The following ARHGEF4 variants were observed in gnomAD, a reference collection of about 807,000 sequenced individuals.
ARHGEF4 encodes APC-stimulated guanine nucleotide exchange factor 1.
In ARHGEF4, 119 loss-of-function variants were observed where a neutral mutation model predicts 162.0. The observed-to-expected ratio is 0.73, with a 90% CI of 0.63 to 0.86. The LOEUF (loss-of-function observed/expected upper bound fraction) is 0.86. ARHGEF4 is among the 40% of genes least tolerant of loss of function. The pLI is 0.00. For synonymous variants in ARHGEF4, 1,014 were observed against 979.9 expected (o/e 1.03, Z -0.65); for missense variants, 2,488 against 2,456.0 (o/e 1.01, Z -0.28).
chr2:130,901,869 A>G (rs1465051078), intron 1 of ARHGEF4, among the ~76,000 whole-genome samples: 1 of 152,146 alleles, frequency 6.6e-6, no homozygotes, highest in Non-Finnish European at 1.5e-5. Flanking sequence ...ACACAAAGCC[A>G]ACGGTCTCCC....
At chr2:130,882,246 G>C (rs115508375) in intron 1 of ARHGEF4, among the ~76,000 whole-genome samples, 1 of 152,116 alleles carries the variant, frequency 6.6e-6, no homozygotes, top group Non-Finnish European at 1.5e-5. Context: ...GTTGCCCATG[G>C]CTAGGCTGGG....
At chr2:131,025,393 A>G (rs1689413754) in intron 4 of ARHGEF4, among the ~76,000 whole-genome samples, 1 of 152,234 alleles carries the variant, frequency 6.6e-6, no homozygotes, top group Admixed American at 6.5e-5. Flanking sequence ...GCAGGGTCAC[A>G]AATCCAAACC....
intron 1 of ARHGEF4, among the ~76,000 whole-genome samples, chr2:130,880,895 A>G (rs1679145612): frequency 6.6e-6 from 1 of 152,108 alleles, no homozygotes; most frequent in African/African-American, 2.4e-5. Flanking sequence ...ATAGACTCAT[A>G]ATATGAGCAG....
chr2:130,843,787 G>A (rs1558995293), intron 1 of ARHGEF4, among the ~76,000 whole-genome samples: 1 of 152,248 alleles, frequency 6.6e-6, no homozygotes, highest in Non-Finnish European at 1.5e-5. Context: ...AGGGTTTGGA[G>A]CACAGCGTAT....
At chr2:130,848,055 G>A (rs1183655662) in intron 1 of ARHGEF4, among the ~76,000 whole-genome samples, 3 of 152,238 alleles carry the variant, frequency 2.0e-5, no homozygotes, top group Non-Finnish European at 4.4e-5. Context: ...AGGAAGGAAA[G>A]TCATCTGAGG....
At chr2:131,035,084 C>T in intron 5 of ARHGEF4, 1 of 1,039,810 alleles carries the variant, frequency 9.6e-7, no homozygotes, top group East Asian at 8.3e-5. Context: ...AGCGGGAGGC[C>T]GGGCGCCATG....
Position 130,916,123 on chromosome 2 carries a change from C to T in ARHGEF4, c.2177C>T (p.Thr726Met), listed in dbSNP as rs868521440. ...VLVPQAASEE[T>M]PSTEEPPGER... ...GTCCCCCAAGCTGCTTCGGAAGAGACGCCGAGCACAGAGGAGCCCCCGGGA... is the reference window on the plus strand; with the variant it reads ...GTCCCCCAAGCTGCTTCGGAAGAGATGCCGAGCACAGAGGAGCCCCCGGGA... Residue 726 changes from threonine (T) to methionine (M), a missense_variant, in exon 2 of 14, where the codon ACG (threonine) becomes ATG (methionine). Physicochemically the swap from Thr to Met is moderately conservative, Grantham distance 81. Coordinates refer to ENST00000409359, the MANE Select transcript of ARHGEF4 (RefSeq NM_001367493.1). 13 of 1,549,676 alleles carry T rather than the reference C, an allele frequency of 8.4e-6. No homozygotes were observed. The highest frequency in any genetic ancestry group is 1.4e-5 in the African/African-American group (1 of 73,028).
chr2:130,960,658 C>G (rs547272604), intron 4 of ARHGEF4, among the ~76,000 whole-genome samples: 1 of 152,148 alleles, frequency 6.6e-6, no homozygotes, highest in African/African-American at 2.4e-5. Flanking sequence ...AAGGGATCAC[C>G]CATCTCTTTT....
chr2:130,988,318 G>A (rs1686659712), intron 4 of ARHGEF4, among the ~76,000 whole-genome samples: 1 of 152,244 alleles, frequency 6.6e-6, no homozygotes, highest in African/African-American at 2.4e-5. Context: ...AGCCACGTGT[G>A]AGCAGGAGTG....
chr2:130,996,859 GTCA>G (rs1573563722), intron 4 of ARHGEF4, among the ~76,000 whole-genome samples: 1 of 152,108 alleles, frequency 6.6e-6, no homozygotes, highest in Non-Finnish European at 1.5e-5. Context: ...AAAGTGACAA[GTCA>G]TCATTTTAAT....
intron 3 of ARHGEF4, among the ~76,000 whole-genome samples, chr2:130,944,009 CA>C (rs1683462035): frequency 6.6e-6 from 1 of 152,088 alleles, no homozygotes; most frequent in South Asian, 2.1e-4. Flanking sequence ...AGTTTTTCTC[CA>C]TGTGATAATG....
chr2:130,959,395 C>T lies in ARHGEF4; in HGVS notation c.3985+12760C>T, dbSNP rs111916429. On this transcript the variant is annotated intron_variant, in intron 4 of 13. Coordinates refer to ENST00000409359, the MANE Select transcript of ARHGEF4 (RefSeq NM_001367493.1). ...TCTGAATGGGGAGAAAGGGAATTAA[C>T]GGTTGCACAGTGGTTCAAAGCATGA... Among the ~76,000 whole-genome samples the T allele has an allele frequency of 2.2e-3, 335 of 152,306 alleles. 2 individuals are homozygous for T. The highest frequency in any genetic ancestry group is 7.6e-3 in the African/African-American group (316 of 41,578).
intron 3 of ARHGEF4, among the ~76,000 whole-genome samples, chr2:130,935,098 G>C (rs1045098849): frequency 7.9e-5 from 12 of 151,440 alleles, no homozygotes; most frequent in African/African-American, 2.9e-4. Flanking sequence ...ATCTGTTTTT[G>C]GTTGTCTTGA....
chr2:131,026,123 C>T (rs1689462293), intron 4 of ARHGEF4, among the ~76,000 whole-genome samples: 2 of 152,178 alleles, frequency 1.3e-5, no homozygotes, highest in Admixed American at 1.3e-4. Flanking sequence ...CATTGTAGGT[C>T]CATGGGAAAG....
intron 1 of ARHGEF4, among the ~76,000 whole-genome samples, chr2:130,840,005 C>G (rs1680494895): frequency 6.6e-6 from 1 of 152,156 alleles, no homozygotes; most frequent in African/African-American, 2.4e-5. Flanking sequence ...GGCACAGAAT[C>G]AGTAAGCCAA....
chr2:130,864,537 C>A (rs1682129241), intron 1 of ARHGEF4, among the ~76,000 whole-genome samples: 2 of 152,178 alleles, frequency 1.3e-5, no homozygotes. Flanking sequence ...CCAACCTGGC[C>A]AACATGGGAA....
intron 4 of ARHGEF4, among the ~76,000 whole-genome samples, chr2:131,020,670 A>G (rs1409499920): frequency 6.6e-6 from 1 of 152,096 alleles, no homozygotes; most frequent in Admixed American, 6.5e-5. Flanking sequence ...ATGTGTCTTT[A>G]TAGCAGCATG....
At chr2:130,877,564 T>C (rs72855915) in intron 1 of ARHGEF4, among the ~76,000 whole-genome samples, 3,199 of 152,212 alleles carry the variant, frequency 0.021, 95 homozygotes, top group East Asian at 0.12. Flanking sequence ...GTGGAAGGAT[T>C]GCTTGAACCC....
At chr2:130,869,273 A>G (rs1336863757) in intron 1 of ARHGEF4, among the ~76,000 whole-genome samples, 1 of 152,118 alleles carries the variant, frequency 6.6e-6, no homozygotes, top group African/African-American at 2.4e-5. Context: ...TGTGCCGGTG[A>G]TGGAAGGTAC....
Sources: allele counts gnomAD v4.1 joint callset (sites outside exome capture counted in the v4.1 genomes callset), GRCh38; gene constraint gnomAD v4.1.1; transcripts MANE v1.5; gene names NCBI Gene and HGNC (gene_info 2026-07-23, HGNC 2026-07-21).